The following RGL1 variants were observed in gnomAD, a reference collection of about 807,000 sequenced individuals.
RGL1 encodes ral guanine nucleotide dissociation stimulator like 1, also known as ral guanine nucleotide dissociation stimulator-like 1.
Under a neutral mutation model 95.2 loss-of-function variants are expected in RGL1, and 24 were observed. The ratio of observed to expected loss-of-function variants is 0.25; its 90% CI spans 0.18 to 0.35. The LOEUF (loss-of-function observed/expected upper bound fraction) is 0.35. Ranked by LOEUF, RGL1 falls within the 10% of genes least tolerant of loss-of-function variation. RGL1 has a pLI of 1.00. For synonymous variants in RGL1, 329 were observed against 344.9 expected (o/e 0.95, Z 0.51); for missense variants, 715 against 936.3 (o/e 0.76, Z 3.08).
At chr1:183,766,708 A>G (rs1051648414) in intron 2 of RGL1, among the ~76,000 whole-genome samples, 2 of 152,200 alleles carry the variant, frequency 1.3e-5, no homozygotes, top group Non-Finnish European at 2.9e-5. Context: ...TCATTAAAGG[A>G]AAGCATAACC....
intron 1 of RGL1, among the ~76,000 whole-genome samples, chr1:183,689,612 C>T (rs1653822827): frequency 6.6e-6 from 1 of 152,164 alleles, no homozygotes. Context: ...TTTTGTATTT[C>T]CAGTACCTAC....
intron 1 of RGL1, among the ~76,000 whole-genome samples, chr1:183,671,082 G>A (rs1652416577): frequency 6.6e-6 from 1 of 152,202 alleles, no homozygotes; most frequent in Non-Finnish European, 1.5e-5. Flanking sequence ...GAGAAGTGCT[G>A]AGTGAAGGAG....
chr1:183,914,624 T>G (rs1668853988), intron 15 of RGL1, among the ~76,000 whole-genome samples: 3 of 152,320 alleles, frequency 2.0e-5, no homozygotes, highest in Middle Eastern at 3.4e-3. Flanking sequence ...AAGGGTGAAG[T>G]GTAATTTATT....
chr1:183,740,498 C>T (rs1657225235), intron 1 of RGL1, among the ~76,000 whole-genome samples: 1 of 152,204 alleles, frequency 6.6e-6, no homozygotes, highest in Admixed American at 6.5e-5. Context: ...ACGCCTGCCA[C>T]TCGTATAGAT....
chr1:183,647,268 T>C (rs12044718), intron 1 of RGL1: 12,527 of 156,518 alleles, frequency 0.08, 1,002 homozygotes, highest in African/African-American at 0.21. Context: ...CAGCACTTAA[T>C]GTCAGTAGCT....
chr1:183,779,218 T>TCCCA (rs1317084592), intron 2 of RGL1, among the ~76,000 whole-genome samples: 5 of 144,484 alleles, frequency 3.5e-5, no homozygotes, highest in African/African-American at 1.3e-4. Flanking sequence ...CTTCCTTCCT[T>TCCCA]CCTTCCTTCC....
At chr1:183,731,646 GA>G (rs1266561850) in intron 1 of RGL1, among the ~76,000 whole-genome samples, 1 of 152,166 alleles carries the variant, frequency 6.6e-6, no homozygotes, top group Non-Finnish European at 1.5e-5. Context: ...AAATGAAAAT[GA>G]AAGCTTTGTT....
At chr1:183,678,637 C>T (rs1652995239) in intron 1 of RGL1, among the ~76,000 whole-genome samples, 1 of 150,354 alleles carries the variant, frequency 6.7e-6, no homozygotes, top group Non-Finnish European at 1.5e-5. Flanking sequence ...GGGTCTTCCT[C>T]TGTCGCCAGG....
intron 4 of RGL1, among the ~76,000 whole-genome samples, chr1:183,866,459 G>C (rs1057176402): frequency 6.6e-6 from 1 of 152,194 alleles, no homozygotes; most frequent in African/African-American, 2.4e-5. Flanking sequence ...GGATTGGGCT[G>C]TCTGGTCTGT....
chr1:183,807,203 A>T (rs988933698), intron 2 of RGL1, among the ~76,000 whole-genome samples: 2 of 152,218 alleles, frequency 1.3e-5, no homozygotes, highest in African/African-American at 4.8e-5. Context: ...CAGCGACAGG[A>T]TCACTACTTG....
intron 6 of RGL1, 85 bp downstream of exon 6, chr1:183,883,995 A>C: frequency 7.1e-7 from 1 of 1,418,268 alleles, no homozygotes; most frequent in Non-Finnish European, 9.8e-7. Flanking sequence ...CAGCAGTGGG[A>C]TAATGTGATT....
At chr1:183,842,059 G>C (rs565302376) in intron 2 of RGL1, among the ~76,000 whole-genome samples, 4 of 152,150 alleles carry the variant, frequency 2.6e-5, no homozygotes, top group Non-Finnish European at 4.4e-5. Context: ...GTGGTTGTAG[G>C]GCATATGAAA....
intron 1 of RGL1, among the ~76,000 whole-genome samples, chr1:183,666,185 A>C (rs1022360054): frequency 6.6e-6 from 1 of 151,788 alleles, no homozygotes; most frequent in Non-Finnish European, 1.5e-5. Flanking sequence ...TTGTATTTTT[A>C]GTAGAGACAG....
At chr1:183,812,871 C>G (rs1188833168) in intron 2 of RGL1, among the ~76,000 whole-genome samples, 2 of 152,092 alleles carry the variant, frequency 1.3e-5, no homozygotes, top group Non-Finnish European at 2.9e-5. Context: ...ATAAGGGAAC[C>G]CGGTGGGAAA....
At chr1:183,826,607 A>G (rs535295174) in intron 2 of RGL1, among the ~76,000 whole-genome samples, 1 of 152,362 alleles carries the variant, frequency 6.6e-6, no homozygotes, top group Admixed American at 6.5e-5. Context: ...AGAAAAGTGT[A>G]TAGGTATATA....
Position 183,781,347 on chromosome 1 carries a change from G to C in RGL1, c.133-25028G>C, listed in dbSNP as rs573796822. Among the ~76,000 whole-genome samples the C allele has an allele frequency of 5.9e-5, 9 of 152,254 alleles. No homozygotes were observed. In the South Asian group the frequency reaches 1.9e-3, roughly 32 times the overall value. ...GGCTGAAAGTATTATGGATTGCTCT[G>C]CTAAGAACTCTCTTTTTCTTCCCTC... On this transcript the variant is annotated intron_variant, in intron 2 of 18. Coordinates refer to the RGL1 transcript ENST00000304685.
At chr1:183,882,136 T>C (rs1193734654) in intron 5 of RGL1, among the ~76,000 whole-genome samples, 1 of 152,236 alleles carries the variant, frequency 6.6e-6, no homozygotes, top group African/African-American at 2.4e-5. Flanking sequence ...CTATATGTTT[T>C]TAAAAAGTAA....
intron 2 of RGL1, among the ~76,000 whole-genome samples, chr1:183,799,974 A>T (rs1470950530): frequency 6.6e-6 from 1 of 152,212 alleles, no homozygotes; most frequent in African/African-American, 2.4e-5. Flanking sequence ...GATACTTTAC[A>T]TAGTATATTT....
chr1:183,879,871 T>G (rs1261389421), intron 4 of RGL1, among the ~76,000 whole-genome samples: 2 of 152,234 alleles, frequency 1.3e-5, no homozygotes, highest in Non-Finnish European at 2.9e-5. Context: ...GAGGGAGCTG[T>G]GCACATACAA....
Sources: gnomAD v4.1 joint callset for allele counts (sites outside exome capture counted in the v4.1 genomes callset) on GRCh38, gnomAD v4.1.1 for gene constraint, MANE v1.5 for transcripts, NCBI Gene and HGNC (gene_info 2026-07-23, HGNC 2026-07-21) for gene names.